The following ZNF257 variants were observed in gnomAD, a reference collection of about 807,000 sequenced individuals.
ZNF257 encodes zinc finger protein 257, also known as bone marrow zinc finger 4.
In ZNF257, 12 loss-of-function variants were observed where a neutral mutation model predicts 11.9. That is an observed-to-expected ratio of 1.01 (90% confidence interval 0.65 to 1.63). ZNF257 has a LOEUF of 1.63. Among genes scored for constraint, ZNF257 ranks in the 40% most tolerant of loss-of-function variants. ZNF257 has a pLI of 0.00. For missense variants in ZNF257, 580 were observed against 665.5 expected (o/e 0.87, Z 1.41); for synonymous variants, 183 against 222.7 (o/e 0.82, Z 1.59).
At chr19:22,081,338 A>G (rs1456029833) in intron 3 of ZNF257, among the ~76,000 whole-genome samples, 2 of 152,010 alleles carry the variant, frequency 1.3e-5, no homozygotes, top group South Asian at 2.1e-4. Flanking sequence ...ACTTAGGACT[A>G]CCATAATTAT....
chr19:22,075,449 C>T (rs2022204691), intron 3 of ZNF257: 1 of 152,292 alleles, frequency 6.6e-6, no homozygotes, highest in Admixed American at 6.5e-5. Flanking sequence ...ACATTAAAAG[C>T]CAGGGTCTGC....
chr19:22,072,964 A>AAT, intron 2 of ZNF257, 29 bp downstream of exon 2: 3 of 1,568,134 alleles, frequency 1.9e-6, no homozygotes, highest in Non-Finnish European at 2.6e-6. Context: ...CTCAATTCCT[A>AAT]ATATACTCCA....
intron 1 of ZNF257, 98 bp from the exon 2 acceptor site, chr19:22,072,711 G>C: frequency 3.5e-6 from 5 of 1,420,856 alleles, no homozygotes; most frequent in Middle Eastern, 1.9e-4. Flanking sequence ...GGCAGAACCT[G>C]TTCTCTCTGC....
At chr19:22,063,855 GATATCC>G (rs2021870303) in intron 1 of ZNF257, among the ~76,000 whole-genome samples, 1 of 152,282 alleles carries the variant, frequency 6.6e-6, no homozygotes, top group South Asian at 2.1e-4. Flanking sequence ...GAGTTCTGTA[GATATCC>G]ATTAGGACTA....
chr19:22,087,233 A>T lies in ZNF257; in HGVS notation c.227-744A>T, dbSNP rs192967531. Among the ~76,000 whole-genome samples, 244 of 138,896 alleles carry T rather than the reference A, an allele frequency of 1.8e-3. 1 individual carries two copies. Among genetic ancestry groups the T allele is most frequent in the African/African-American group, 6.8e-3 (230 of 34,044 alleles). The allele number at this position is 138,896 out of a possible 152,430, so 91.1% of individuals were successfully genotyped here. On this transcript the variant is annotated intron_variant, in intron 3 of 3. Transcript: ENST00000594947. ...TGTAATCTTTGAGACTGGGACATTTAAAAAAAAAAAGGCTACCTGTCACAA... is the reference window on the plus strand; with the variant it reads ...TGTAATCTTTGAGACTGGGACATTTTAAAAAAAAAAGGCTACCTGTCACAA...
At chr19:22,061,867 C>CTTT (rs79974443) in intron 1 of ZNF257, among the ~76,000 whole-genome samples, 1 of 145,772 alleles carries the variant, frequency 6.9e-6, no homozygotes, top group African/African-American at 2.5e-5. Flanking sequence ...TTGTTGAAAG[C>CTTT]TTTTTTTTTT....
chr19:22,079,863 A>T (rs778538986), intron 3 of ZNF257, among the ~76,000 whole-genome samples: 3 of 150,532 alleles, frequency 2.0e-5, no homozygotes, highest in Non-Finnish European at 3.0e-5. Context: ...GAATATGTTG[A>T]AGAATTTTAT....
At chr19:22,071,976 G>A (rs371629206) in intron 1 of ZNF257, among the ~76,000 whole-genome samples, 5 of 152,278 alleles carry the variant, frequency 3.3e-5, no homozygotes, top group African/African-American at 9.6e-5. Flanking sequence ...GGGTGCTAAA[G>A]AAAGACTACT....
At chr19:22,071,671 A>T (rs114333361) in intron 1 of ZNF257, among the ~76,000 whole-genome samples, 1 of 152,114 alleles carries the variant, frequency 6.6e-6, no homozygotes, top group Non-Finnish European at 1.5e-5. Context: ...TTTCCCATAT[A>T]CCAGAGCCTT....
At chr19:22,073,670 G>A (rs371873467) in intron 3 of ZNF257, 106 bp downstream of exon 3, 3 of 1,388,050 alleles carry the variant, frequency 2.2e-6, no homozygotes, top group East Asian at 2.5e-5. Context: ...GTATTCCAAG[G>A]GATATAGTTT....
intron 1 of ZNF257, among the ~76,000 whole-genome samples, chr19:22,059,203 A>C (rs2021726078): frequency 6.6e-6 from 1 of 151,858 alleles, no homozygotes; most frequent in Non-Finnish European, 1.5e-5. Flanking sequence ...ATATAGGTAA[A>C]ATTGTGTCAT....
chr19:22,078,301 T>C (rs1294288576), intron 3 of ZNF257, among the ~76,000 whole-genome samples: 1 of 151,770 alleles, frequency 6.6e-6, no homozygotes, highest in African/African-American at 2.4e-5. Flanking sequence ...TTTTGTTTTT[T>C]GTGATTTTTA....
At chr19:22,063,112 C>T (rs532270611) in intron 1 of ZNF257, among the ~76,000 whole-genome samples, 99 of 152,026 alleles carry the variant, frequency 6.5e-4, no homozygotes, top group Non-Finnish European at 1.2e-3. Flanking sequence ...TGTATTTGTC[C>T]AGGACTTTAT....
chr19:22,075,269 A>AG, intron 3 of ZNF257: 1 of 162,970 alleles, frequency 6.1e-6, no homozygotes, highest in South Asian at 1.6e-4. Flanking sequence ...TTTTTGCAGT[A>AG]GGGTCTGTAT....
chr19:22,074,902 AATT>A (rs2022191563), intron 3 of ZNF257, among the ~76,000 whole-genome samples: 2 of 151,758 alleles, frequency 1.3e-5, no homozygotes, highest in South Asian at 4.1e-4. Flanking sequence ...TGTTTTGACT[AATT>A]ATTCTGCCAT....
At chr19:22,084,140 C>CAAA (rs373804336) in intron 3 of ZNF257, among the ~76,000 whole-genome samples, 1 of 121,874 alleles carries the variant, frequency 8.2e-6, no homozygotes, top group African/African-American at 2.8e-5. Flanking sequence ...GACTTCATCT[C>CAAA]AAAAAAAAAA....
intron 1 of ZNF257, among the ~76,000 whole-genome samples, chr19:22,070,916 C>T (rs2022089286): frequency 6.6e-6 from 1 of 152,126 alleles, no homozygotes; most frequent in South Asian, 2.1e-4. Flanking sequence ...TGGTTATAAG[C>T]CCAGACCTCT....
intron 3 of ZNF257, among the ~76,000 whole-genome samples, chr19:22,086,003 T>C (rs1466404382): frequency 6.6e-6 from 1 of 152,130 alleles, no homozygotes; most frequent in African/African-American, 2.4e-5. Context: ...TGTTTTTTAA[T>C]GAATCCCTTT....
chr19:22,059,860 C>T (rs188493371), intron 1 of ZNF257, among the ~76,000 whole-genome samples: 2 of 151,344 alleles, frequency 1.3e-5, no homozygotes, highest in Admixed American at 6.6e-5. Context: ...GTAGCTGGGA[C>T]TATAGTCACA....
Sources: gnomAD v4.1 joint callset for allele counts (sites outside exome capture counted in the v4.1 genomes callset) on GRCh38, gnomAD v4.1.1 for gene constraint, MANE v1.5 for transcripts, NCBI Gene and HGNC (gene_info 2026-07-23, HGNC 2026-07-21) for gene names.